CALN1: variants seen among roughly 807,000 people sequenced by gnomAD.
CALN1 encodes the protein calneuron 1, also known as calcium-binding protein 8.
CALN1 carries 17 observed loss-of-function variants against 30.6 expected under a neutral mutation model. The observed-to-expected ratio is 0.56, with a 90% confidence interval of 0.38 to 0.83. CALN1 has a LOEUF of 0.83. Among genes scored for constraint, CALN1 ranks in the 40% least tolerant of loss-of-function variants. The pLI is 0.00. For missense variants in CALN1, 291 were observed against 354.9 expected (o/e 0.82, Z 1.45); for synonymous variants, 156 against 131.4 (o/e 1.19, Z -1.28).
intron 2 of CALN1, among the ~76,000 whole-genome samples, chr7:72,315,571 G>A (rs1800384739): frequency 6.6e-6 from 1 of 151,972 alleles, no homozygotes; most frequent in South Asian, 2.1e-4. Context: ...ATGGTGTGGT[G>A]GTGGATGCCT....
chr7:71,809,608 A>G (rs6977511), intron 6 of CALN1, among the ~76,000 whole-genome samples: 53,950 of 151,728 alleles, frequency 0.36, 10,282 homozygotes, highest in East Asian at 0.6. Context: ...GGCTATTAAA[A>G]CCACTCTGAT....
intron 3 of CALN1, among the ~76,000 whole-genome samples, chr7:72,107,331 G>A (rs1469680449): frequency 3.3e-5 from 5 of 152,206 alleles, no homozygotes; most frequent in Admixed American, 3.3e-4. Flanking sequence ...TTAAGTATCC[G>A]GCTGTTTTTG....
chr7:72,003,192 C>CA (rs766622533), intron 5 of CALN1, among the ~76,000 whole-genome samples: 8 of 151,996 alleles, frequency 5.3e-5, no homozygotes, highest in South Asian at 2.1e-4. Flanking sequence ...TTAATTAACA[C>CA]AAAAAATCAC....
intron 5 of CALN1, among the ~76,000 whole-genome samples, chr7:71,907,427 G>A (rs950095943): frequency 6.6e-6 from 1 of 152,174 alleles, no homozygotes; most frequent in Non-Finnish European, 1.5e-5. Flanking sequence ...GCAAAGGTCA[G>A]TGATTCTCCA....
At chr7:72,362,724 C>T (rs1012734162) in intron 2 of CALN1, among the ~76,000 whole-genome samples, 4 of 152,126 alleles carry the variant, frequency 2.6e-5, no homozygotes, top group Non-Finnish European at 4.4e-5. Flanking sequence ...GGCCCGTTGT[C>T]CTGGGGACTC....
the CALN1 span, among the ~76,000 whole-genome samples, chr7:72,463,238 C>T: frequency 6.6e-6 from 1 of 152,170 alleles, no homozygotes; most frequent in Admixed American, 6.5e-5. Flanking sequence ...TCTCCTGCCT[C>T]ATCCTCCCCA....
intron 4 of CALN1, among the ~76,000 whole-genome samples, chr7:72,092,145 T>C (rs1325177201): frequency 1.3e-5 from 2 of 152,214 alleles, no homozygotes; most frequent in Admixed American, 6.5e-5. Flanking sequence ...TCTTTGTGAA[T>C]TTGTTGCTTT....
chr7:72,319,005 C>T (rs911572461), intron 2 of CALN1, among the ~76,000 whole-genome samples: 4 of 152,080 alleles, frequency 2.6e-5, no homozygotes, highest in African/African-American at 9.7e-5. Context: ...AAGAGAACTA[C>T]ATTTGATCCA....
chr7:71,933,680 C>G (rs548098096), intron 5 of CALN1, among the ~76,000 whole-genome samples: 1 of 152,114 alleles, frequency 6.6e-6, no homozygotes, highest in Non-Finnish European at 1.5e-5. Context: ...AGAAGCTTAA[C>G]GAAATGTGCA....
chr7:72,420,367 A>G (rs1019289944), intron 1 of CALN1, among the ~76,000 whole-genome samples: 52 of 152,048 alleles, frequency 3.4e-4, no homozygotes, highest in African/African-American at 1.2e-3. Flanking sequence ...TTCCTCTTGC[A>G]ACCCCAAACA....
upstream of CALN1, among the ~76,000 whole-genome samples, chr7:72,416,580 C>G (rs908719826): frequency 3.3e-5 from 5 of 151,884 alleles, no homozygotes; most frequent in African/African-American, 1.2e-4. Context: ...ACTAAAAATT[C>G]AAAACTTAGC....
chr7:72,299,682 C>T (rs925347047), intron 2 of CALN1, among the ~76,000 whole-genome samples: 1 of 142,582 alleles, frequency 7.0e-6, no homozygotes, highest in Admixed American at 7.6e-5. Context: ...TTAAAAGATG[C>T]TCTTATCTTT....
intron 3 of CALN1, among the ~76,000 whole-genome samples, chr7:72,162,106 C>T (rs1788155178): frequency 6.6e-6 from 1 of 151,550 alleles, no homozygotes; most frequent in South Asian, 2.1e-4. Context: ...ATAGAGGTAA[C>T]TGATATTATA....
rs10950296 is a variant in CALN1 at position 72,106,451 on chromosome 7, G to C, written c.245-157C>G. On this transcript the variant is annotated intron_variant, in intron 3 of 6. Coordinates refer to ENST00000395275, the MANE Select transcript of CALN1 (RefSeq NM_031468.4). ...TAAAAGGGAGGACAGAAGAAGAACA[G>C]AAGAAAAGAAACGAAGAAAAGAAAA... 0.99 allele frequency among the ~76,000 whole-genome samples: 149,689 copies of C among 150,706 alleles called. 74,343 individuals are homozygous for C. The highest frequency in any genetic ancestry group is 1 in the Middle Eastern group (294 of 294).
intron 5 of CALN1, among the ~76,000 whole-genome samples, chr7:71,989,930 A>C (rs1341172619): frequency 6.6e-6 from 1 of 152,192 alleles, no homozygotes; most frequent in Non-Finnish European, 1.5e-5. Flanking sequence ...ATAAAAAACC[A>C]AGAGCAAAAT....
At chr7:72,336,241 G>A (rs796484078) in intron 2 of CALN1, among the ~76,000 whole-genome samples, 25 of 152,244 alleles carry the variant, frequency 1.6e-4, no homozygotes, top group African/African-American at 6.0e-4. Flanking sequence ...GCTTCGCGAA[G>A]AGACCTGGTT....
intron 3 of CALN1, among the ~76,000 whole-genome samples, chr7:72,187,046 A>T (rs1214486360): frequency 6.6e-6 from 1 of 152,020 alleles, no homozygotes; most frequent in East Asian, 1.9e-4. Flanking sequence ...CAATTTGACA[A>T]TCTGAGACTG....
chr7:71,954,853 G>T (rs766479261), intron 5 of CALN1, among the ~76,000 whole-genome samples: 1 of 152,214 alleles, frequency 6.6e-6, no homozygotes, highest in South Asian at 2.1e-4. Context: ...ATTCAGAGCA[G>T]TGAAGAGGAG....
intron 2 of CALN1, among the ~76,000 whole-genome samples, chr7:72,309,971 A>ACTGCACC (rs1799930962): frequency 6.6e-6 from 1 of 152,140 alleles, no homozygotes; most frequent in African/African-American, 2.4e-5. Flanking sequence ...TTCCCTGAGC[A>ACTGCACC]CTGCACCCTG....
Sources: allele counts gnomAD v4.1 joint callset (sites outside exome capture counted in the v4.1 genomes callset), GRCh38; gene constraint gnomAD v4.1.1; transcripts MANE v1.5; gene names NCBI Gene and HGNC (gene_info 2026-07-23, HGNC 2026-07-21).